The following DMD variants were observed in gnomAD, a reference collection of about 807,000 sequenced individuals.
The protein encoded by DMD is dystrophin.
In DMD, 63 loss-of-function variants were observed where a neutral mutation model predicts 330.1. That is an observed-to-expected ratio of 0.19 (90% CI 0.16 to 0.24). DMD has a LOEUF of 0.24. Among genes scored for constraint, DMD ranks in the 10% least tolerant of loss-of-function variants. The pLI is 1.00. For synonymous variants in DMD, 1,223 were observed against 959.8 expected, an observed-to-expected ratio of 1.27 and a Z score of -5.07; for missense variants, 3,344 against 2,684.1, an observed-to-expected ratio of 1.25 and a Z score of -5.43.
intron 55 of DMD, among the ~76,000 whole-genome samples, chrX:31,604,448 G>A (rs763918256): frequency 9.0e-6 from 1 of 111,156 alleles, no homozygotes; most frequent in Non-Finnish European, 1.9e-5. Context: ...ATTAAAGTTC[G>A]AGACAGCGCC....
chrX:31,784,403 T>A (rs2091185970), intron 50 of DMD, among the ~76,000 whole-genome samples: 1 of 111,705 alleles, frequency 9.0e-6, no homozygotes, highest in Non-Finnish European at 1.9e-5. Context: ...GGTGGGAATG[T>A]GAAAAGGTGT....
At chrX:32,929,128 G>C (rs2089355703) in intron 2 of DMD, among the ~76,000 whole-genome samples, 1 of 111,077 alleles carries the variant, frequency 9.0e-6, no homozygotes, top group Admixed American at 9.6e-5. Context: ...ATGAAGAGCT[G>C]GTTTATGTGG....
At chrX:32,415,169 C>T (rs2098161512) in intron 29 of DMD, among the ~76,000 whole-genome samples, 1 of 112,257 alleles carries the variant, frequency 8.9e-6, no homozygotes, top group Admixed American at 9.5e-5. Context: ...CAAGGCACAT[C>T]TGTAGATTTT....
At chrX:32,894,456 T>C (rs987616616) in intron 2 of DMD, among the ~76,000 whole-genome samples, 2 of 112,472 alleles carry the variant, frequency 1.8e-5, no homozygotes, top group Admixed American at 9.4e-5. Context: ...ATGGCGGCGG[T>C]GGGATGAGCG....
chrX:31,845,186 G>A (rs2093396199), intron 48 of DMD, among the ~76,000 whole-genome samples: 1 of 110,596 alleles, frequency 9.0e-6, no homozygotes, highest in Non-Finnish European at 1.9e-5. Flanking sequence ...CCTCTCTTCA[G>A]GAAATGGAAT....
intron 44 of DMD, among the ~76,000 whole-genome samples, chrX:32,192,465 C>A (rs2096980316): frequency 8.9e-6 from 1 of 111,842 alleles, no homozygotes. Flanking sequence ...ATTCAGACTT[C>A]ATTTCTACCT....
At chrX:33,249,294 G>A (rs895830632) in intron 1 of DMD, among the ~76,000 whole-genome samples, 4 of 111,360 alleles carry the variant, frequency 3.6e-5, no homozygotes, top group African/African-American at 1.3e-4. Context: ...GGGATGACAG[G>A]CATCTGCCAC....
At chrX:31,903,879 G>T (rs775245028) in intron 47 of DMD, among the ~76,000 whole-genome samples, 1 of 111,273 alleles carries the variant, frequency 9.0e-6, no homozygotes, top group Non-Finnish European at 1.9e-5. Flanking sequence ...TTACGTCAAA[G>T]ATATCTTTAG....
At chrX:32,272,897 T>C (rs181927348) in intron 43 of DMD, among the ~76,000 whole-genome samples, 1 of 110,081 alleles carries the variant, frequency 9.1e-6, no homozygotes, top group Non-Finnish European at 1.9e-5. Context: ...AGTCAGTGAA[T>C]TAGTAAGCAA....
rs781469123 is a variant in DMD at position 33,278,647 on chromosome X, G to A, written c.7+60612C>T. ...GAACAGTGCTGTAATGAACATCCCA[G>A]TGCATATGATTTTTGGTAGAATAAT... On this transcript the variant is annotated intron_variant, in intron 1 of 17. Coordinates refer to the DMD transcript ENST00000288447. 4.5e-5 allele frequency among the ~76,000 whole-genome samples: 5 copies of A among 111,473 alleles called. No homozygotes were observed. The South Asian group carries it at 1.5e-3, about 34-fold the overall frequency.
chrX:32,629,110 TG>T (rs1296616484), intron 11 of DMD, among the ~76,000 whole-genome samples: 3 of 111,651 alleles, frequency 2.7e-5, no homozygotes, highest in African/African-American at 9.8e-5. Context: ...CTGCTGAAAA[TG>T]GGGAATTGAA....
chrX:32,679,151 A>G (rs1376587375), intron 9 of DMD, among the ~76,000 whole-genome samples: 1 of 111,973 alleles, frequency 8.9e-6, no homozygotes, highest in Admixed American at 9.5e-5. Context: ...GAGATCAGCC[A>G]ATGCTTAGTC....
chrX:32,435,211 G>T (rs1603633418), intron 29 of DMD, among the ~76,000 whole-genome samples: 1 of 94,693 alleles, frequency 1.1e-5, no homozygotes, highest in African/African-American at 3.7e-5. Flanking sequence ...CCCTCAGTGG[G>T]ATATATATAT....
At chrX:32,416,985 C>T (rs1021412187) in intron 29 of DMD, among the ~76,000 whole-genome samples, 1 of 111,876 alleles carries the variant, frequency 8.9e-6, no homozygotes, top group African/African-American at 3.3e-5. Flanking sequence ...GTGCCAAGTA[C>T]TAAGAATACT....
chrX:32,829,154 C>T (rs972186872), intron 4 of DMD, among the ~76,000 whole-genome samples: 2 of 111,428 alleles, frequency 1.8e-5, no homozygotes, highest in African/African-American at 6.5e-5. Flanking sequence ...AAAGGTTAAC[C>T]TGACATCACA....
At chrX:32,915,138 C>T (rs956317209) in intron 2 of DMD, among the ~76,000 whole-genome samples, 3 of 97,804 alleles carry the variant, frequency 3.1e-5, no homozygotes, top group Admixed American at 1.1e-4. Flanking sequence ...TGTTTACTAT[C>T]CCAAAGTTGG....
At chrX:32,305,169 A>G (rs1415826292) in intron 42 of DMD, among the ~76,000 whole-genome samples, 1 of 111,594 alleles carries the variant, frequency 9.0e-6, no homozygotes, top group Non-Finnish European at 1.9e-5. Flanking sequence ...TTCTCCTAAT[A>G]CCAGAATAGA....
Position 31,173,679 on chromosome X carries a change from A to C in DMD, c.10263-75T>G, listed in dbSNP as rs2040231749. ...AAAAAACCCACCACACAGTTATGTT[A>C]TACACATGGCCTAGAATGCTTTTAT... On this transcript the variant is annotated intron_variant, in intron 71 of 78. Coordinates refer to ENST00000357033, the MANE Select transcript of DMD (RefSeq NM_004006.3). 3.3e-6 allele frequency: 3 copies of C among 899,180 alleles called. No homozygotes were observed. The Admixed American group carries it at 6.9e-5, about 21-fold the overall frequency. The allele number at this position is 899,180 out of a possible 1,213,427, so 74.1% of individuals were successfully genotyped here. A position where few individuals can be genotyped will look rare whatever the true frequency, so the allele number is the denominator to read the frequency against.
intron 43 of DMD, among the ~76,000 whole-genome samples, chrX:32,250,375 T>C (rs897481323): frequency 8.9e-6 from 1 of 112,117 alleles, no homozygotes; most frequent in African/African-American, 3.2e-5. Flanking sequence ...TTTTCCTCAC[T>C]CTCTTTTTAG....
Sources: gnomAD v4.1 joint callset for allele counts (sites outside exome capture counted in the v4.1 genomes callset) on GRCh38, gnomAD v4.1.1 for gene constraint, MANE v1.5 for transcripts, NCBI Gene and HGNC (gene_info 2026-07-23, HGNC 2026-07-21) for gene names.